Variants in GCKR observed in about 807,000 individuals in gnomAD.
GCKR encodes the protein glucokinase regulatory protein.
A neutral mutation model predicts 82.9 loss-of-function variants in GCKR; 73 were observed. That is an observed-to-expected ratio of 0.88 (90% CI 0.73 to 1.07). The LOEUF is 1.07. Among genes scored for constraint, GCKR ranks in the 50% least tolerant of loss-of-function variants. The probability of loss-of-function intolerance (pLI) is 0.00; values close to 1 mark genes in which losing one functional copy is unlikely to be tolerated. For missense variants in GCKR, 784 were observed against 782.1 expected, an observed-to-expected ratio of 1.00 and a Z score of -0.03; for synonymous variants, 294 against 291.8, an observed-to-expected ratio of 1.01 and a Z score of -0.08.
In GCKR at chr2:27,507,725, C is replaced by A. The variant is rs1439253885; in HGVS notation, c.1188C>A (p.Ile396=). 1.2e-5 allele frequency: 19 copies of A among 1,610,252 alleles called. No individual in the cohort carries two copies. Among genetic ancestry groups the A allele is most frequent in the Non-Finnish European group, 1.6e-5 (19 of 1,176,632 alleles). ...TFSQEDFLTS[I]LPSLTEIDTV... Reference sequence around the variant, plus strand: ...CCCAGGAGGACTTCCTGACTTCCATCCTTCCCTCTCTCACGGAAATCGATA... The same window carrying A: ...CCCAGGAGGACTTCCTGACTTCCATACTTCCCTCTCTCACGGAAATCGATA... Residue 396 remains isoleucine (I), a synonymous_variant, in exon 14 of 19, where the codon ATC becomes ATA. Coordinates refer to ENST00000264717, the MANE Select transcript of GCKR (RefSeq NM_001486.4).
At chr2:27,512,415 G>T (rs1183866816) in intron 16 of GCKR, among the ~76,000 whole-genome samples, 1 of 148,912 alleles carries the variant, frequency 6.7e-6, no homozygotes, top group African/African-American at 2.5e-5. Flanking sequence ...CATGCTCATA[G>T]TCCCAGCTAC....
At position 27,523,529 on chromosome 2, in the gene GCKR, G is replaced by A; in HGVS notation, c.*90G>A. On this transcript the variant is annotated 3_prime_UTR_variant, in exon 19 of 19. Coordinates refer to ENST00000264717, the MANE Select transcript of GCKR (RefSeq NM_001486.4). The stretch of plus-strand genomic sequence containing the variant: ...GGACTTGTGCCAGCAGAACATGTGG[G>A]AGGAAGAAGCCCCGTTTCCAGGGCA... The A allele has an allele frequency of 7.5e-7, 1 of 1,335,692 alleles. No individual in the cohort carries two copies. Among genetic ancestry groups the A allele is most frequent in the Non-Finnish European group, 1.1e-6 (1 of 943,658 alleles). 82.7% of individuals were successfully genotyped at this position (1,335,692 alleles called of 1,614,324 possible). A position where few individuals can be genotyped will look rare whatever the true frequency, so the allele number is the denominator to read the frequency against.
At chr2:27,501,582 G>A (rs1321649768) in intron 8 of GCKR, 2 of 399,592 alleles carry the variant, frequency 5.0e-6, no homozygotes, top group East Asian at 1.3e-4. Context: ...TCATATGGGG[G>A]TGAGCCCCAA....
intron 8 of GCKR, chr2:27,501,609 G>C: frequency 2.4e-6 from 1 of 413,248 alleles, no homozygotes; most frequent in Middle Eastern, 4.0e-4. Context: ...TTTCAAAGTA[G>C]TAGTAGTGGG....
chr2:27,505,113 G>GAC (rs1308328714), intron 9 of GCKR, among the ~76,000 whole-genome samples: 8 of 102,080 alleles, frequency 7.8e-5, no homozygotes, highest in African/African-American at 1.6e-4. Flanking sequence ...GTGGCAGAGT[G>GAC]AGACTCCATC....
In GCKR at chr2:27,501,114, C is replaced by G. The variant is rs761291713; in HGVS notation, c.550-21C>G. 5 of 1,557,702 alleles carry G rather than the reference C, an allele frequency of 3.2e-6. No homozygotes were observed. In the South Asian group the frequency reaches 5.6e-5, roughly 17 times the overall value. ...AGAGTAATGACCCCCTCATCATGCC[C>G]TTCTCTCTCTTCACCATCAGGCTCC... On this transcript the variant is annotated intron_variant, in intron 7 of 18. Transcript: ENST00000264717.
In GCKR at chr2:27,522,449, T is replaced by G; in HGVS notation, c.1573-11T>G. ...TTTAGCCTGACACTGATCTTACCAC[T>G]TCTTCCTTAGCGGTTCTCTGGACAG... On this transcript the variant is annotated splice_polypyrimidine_tract_variant and intron_variant, in intron 17 of 18. Transcript: ENST00000264717. 1 of 1,613,888 alleles carries G rather than the reference T, an allele frequency of 6.2e-7. No individual in the cohort carries two copies. The highest frequency in any genetic ancestry group is 8.5e-7 in the Non-Finnish European group (1 of 1,179,818).
At position 27,507,766 on chromosome 2, in the gene GCKR, T is replaced by G; in HGVS notation, c.1229T>G (p.Phe410Cys). 1 of 1,579,222 alleles carries G rather than the reference T, an allele frequency of 6.3e-7. No homozygotes were observed. The highest frequency in any genetic ancestry group is 1.1e-5 in the South Asian group (1 of 90,390). The part of the protein sequence containing the change: ...LTEIDTVVFI[F>C]TLDDNLTEVQ... The stretch of plus-strand genomic sequence containing the variant: ...GAAATCGATACTGTGGTCTTCATTT[T>G]CACCCTGGATGGTGAGAGGGAAGAT... Residue 410 changes from phenylalanine (F) to cysteine (C), a missense_variant, in exon 14 of 19, where the codon TTC (phenylalanine) becomes TGC (cysteine). Coordinates refer to ENST00000264717, the MANE Select transcript of GCKR (RefSeq NM_001486.4).
chr2:27,522,392 C>T, intron 17 of GCKR, 68 bp from the exon 18 acceptor site: 1 of 1,532,820 alleles, frequency 6.5e-7, no homozygotes, highest in East Asian at 2.2e-5. Context: ...GTTTATTCTT[C>T]TCCCTTGACT....
At chr2:27,507,876 G>A (rs576025507) in intron 14 of GCKR, 99 bp downstream of exon 14, 2 of 1,117,374 alleles carry the variant, frequency 1.8e-6, no homozygotes, top group East Asian at 2.4e-5. Context: ...CTGCTCAGAG[G>A]GAGGGACGGG....
intron 16 of GCKR, among the ~76,000 whole-genome samples, chr2:27,513,175 A>G (rs977907844): frequency 3.3e-5 from 5 of 152,146 alleles, no homozygotes; most frequent in South Asian, 2.1e-4. Flanking sequence ...TAGTTTTTCA[A>G]TGGTGATTTT....
Position 27,505,945 on chromosome 2 carries a change from G to A in GCKR, c.869+109G>A, listed in dbSNP as rs111736739. 2.2e-3 allele frequency: 1,683 copies of A among 766,972 alleles called. 19 individuals are homozygous for A. In the African/African-American group the frequency reaches 0.025, roughly 11 times the overall value. 47.5% of individuals were successfully genotyped at this position (766,972 alleles called of 1,614,324 possible). ...GGACTGGGCTGGTGGCAGTAAGACT[G>A]CAGCCCACCACGCCTCCCCTGGGAA... On this transcript the variant is annotated intron_variant, in intron 10 of 18. Transcript: ENST00000264717.
intron 10 of GCKR, among the ~76,000 whole-genome samples, chr2:27,506,178 C>T (rs1435875967): frequency 1.3e-5 from 2 of 152,158 alleles, no homozygotes; most frequent in African/African-American, 2.4e-5. Flanking sequence ...CTGCCTCCCT[C>T]TCCAGGGTCT....
chr2:27,515,767 T>TATATATATATA (rs1558441520), intron 16 of GCKR, among the ~76,000 whole-genome samples: 1 of 71,988 alleles, frequency 1.4e-5, no homozygotes, highest in African/African-American at 6.5e-5. Flanking sequence ...ATATATATAT[T>TATATATATATA]TTTTTTTTTT....
intron 4 of GCKR, 88 bp from the exon 5 acceptor site, chr2:27,498,636 T>C (rs1669484937): frequency 2.4e-6 from 2 of 833,362 alleles, no homozygotes; most frequent in Non-Finnish European, 2.1e-6. Flanking sequence ...AGAATCATTA[T>C]ATAGTCTCTG....
In GCKR at chr2:27,498,709, C is replaced by T; in HGVS notation, c.355-15C>T. The T allele has an allele frequency of 6.5e-7, 1 of 1,528,658 alleles. No homozygotes were observed. The highest frequency in any genetic ancestry group is 9.1e-7 in the Non-Finnish European group (1 of 1,102,108). The allele number at this position is 1,528,658 out of a possible 1,614,324, so 94.7% of individuals were successfully genotyped here. On this transcript the variant is annotated splice_polypyrimidine_tract_variant and intron_variant, in intron 4 of 18. Transcript: ENST00000264717. ...CTCTGTCATTACCTCTTTACATCCTCTCCCTGCTTGACAGGTGTCCTTTAA... is the reference window on the plus strand; with the variant it reads ...CTCTGTCATTACCTCTTTACATCCTTTCCCTGCTTGACAGGTGTCCTTTAA...
At chr2:27,522,678 C>A in intron 18 of GCKR, 84 bp downstream of exon 18, 1 of 1,182,050 alleles carries the variant, frequency 8.5e-7, no homozygotes, top group Non-Finnish European at 1.3e-6. Context: ...ACTGGGTTTA[C>A]AAAGCTCAGT....
At chr2:27,519,230 A>G (rs932508026) in intron 17 of GCKR, among the ~76,000 whole-genome samples, 4 of 152,154 alleles carry the variant, frequency 2.6e-5, no homozygotes, top group African/African-American at 7.2e-5. Context: ...TAACTGAACA[A>G]TCTTAGGGCA....
intron 10 of GCKR, 150 bp from the exon 11 acceptor site, chr2:27,506,331 C>T (rs902334704): frequency 3.1e-5 from 22 of 712,272 alleles, no homozygotes; most frequent in South Asian, 1.2e-4. Context: ...CCCTTCGGAA[C>T]GCAGTCTGGG....
Sources: gnomAD v4.1 joint callset for allele counts (sites outside exome capture counted in the v4.1 genomes callset) on GRCh38, gnomAD v4.1.1 for gene constraint, MANE v1.5 for transcripts, NCBI Gene and HGNC (gene_info 2026-07-23, HGNC 2026-07-21) for gene names.